ANO4: variants seen among roughly 807,000 people sequenced by gnomAD.
The protein encoded by ANO4 is anoctamin-4.
ANO4 carries 69 observed loss-of-function variants against 141.9 expected under a neutral mutation model. The observed-to-expected ratio is 0.49, with a 90% CI of 0.40 to 0.59. The LOEUF (loss-of-function observed/expected upper bound fraction) is 0.59, where lower values mean the gene tolerates loss of function less well. Among genes scored for constraint, ANO4 ranks in the 20% least tolerant of loss-of-function variants. The probability of loss-of-function intolerance (pLI) is 0.00; values close to 1 mark genes in which losing one functional copy is unlikely to be tolerated. For synonymous variants in ANO4, 350 were observed against 394.3 expected, an observed-to-expected ratio of 0.89 and a Z score of 1.33; for missense variants, 894 against 1,162.2, an observed-to-expected ratio of 0.77 and a Z score of 3.36.
intron 3 of ANO4, among the ~76,000 whole-genome samples, chr12:100,777,984 A>G (rs1438392171): frequency 6.8e-6 from 1 of 146,172 alleles, no homozygotes; most frequent in Non-Finnish European, 1.5e-5. Context: ...TAGTGGCGTG[A>G]TCTCGGCTCA....
intron 1 of ANO4, among the ~76,000 whole-genome samples, chr12:100,835,716 A>C (rs1205344668): frequency 6.6e-6 from 1 of 152,094 alleles, no homozygotes. Flanking sequence ...AGGAACACCA[A>C]AATGTAAAAT....
intron 22 of ANO4, among the ~76,000 whole-genome samples, chr12:101,109,280 C>T (rs1253242413): frequency 5.3e-5 from 8 of 152,026 alleles, no homozygotes; most frequent in Non-Finnish European, 8.8e-5. Flanking sequence ...ATTATGTTTT[C>T]GGCTGGGCAC....
At chr12:100,762,923 A>G (rs1233830561) in intron 3 of ANO4, among the ~76,000 whole-genome samples, 2 of 152,148 alleles carry the variant, frequency 1.3e-5, no homozygotes, top group African/African-American at 4.8e-5. Flanking sequence ...TGTTTGTTGA[A>G]TGAATCATTT....
At chr12:100,861,229 A>G (rs983647413) in intron 1 of ANO4, among the ~76,000 whole-genome samples, 2 of 152,172 alleles carry the variant, frequency 1.3e-5, no homozygotes, top group African/African-American at 4.8e-5. Flanking sequence ...CTCTTGTAAG[A>G]CAGGAAAGTT....
At chr12:101,013,460 A>G (rs776024443) in intron 8 of ANO4, among the ~76,000 whole-genome samples, 1 of 152,116 alleles carries the variant, frequency 6.6e-6, no homozygotes, top group South Asian at 2.1e-4. Context: ...CAACCTACAC[A>G]TAGTCCTGTA....
At chr12:100,851,062 T>C (rs1048280166) in intron 1 of ANO4, among the ~76,000 whole-genome samples, 1 of 152,206 alleles carries the variant, frequency 6.6e-6, no homozygotes, top group African/African-American at 2.4e-5. Context: ...TCTATGACTA[T>C]CTTGCTATGC....
In ANO4 at chr12:100,999,998, G is replaced by A. The variant is rs914578692; in HGVS notation, c.734+12328G>A. Reference sequence around the variant, plus strand: ...AGGGAGGCAGAAGTTGCAGTGAGCCGAGATCATGCCACTGCACTCCAGTCT... The same window carrying A: ...AGGGAGGCAGAAGTTGCAGTGAGCCAAGATCATGCCACTGCACTCCAGTCT... On this transcript the variant is annotated intron_variant, in intron 8 of 27. Transcript: ENST00000392977. 6.7e-5 allele frequency among the ~76,000 whole-genome samples: 10 copies of A among 148,534 alleles called. No homozygotes were observed. The East Asian group carries it at 7.9e-4, about 12-fold the overall frequency.
intron 1 of ANO4, among the ~76,000 whole-genome samples, chr12:100,876,048 G>A (rs2039285219): frequency 6.6e-6 from 1 of 152,080 alleles, no homozygotes; most frequent in Non-Finnish European, 1.5e-5. Context: ...ACATGGAAAG[G>A]TCCCATACTT....
At position 101,083,735 on chromosome 12, in the gene ANO4, A is replaced by G. The variant is rs1333845816; in HGVS notation, c.1453A>G (p.Ile485Val). Residue 485 changes from isoleucine (I) to valine (V), a missense_variant, in exon 16 of 28, where the codon ATT becomes GTT. Coordinates refer to ENST00000392977, the MANE Select transcript of ANO4 (RefSeq NM_001286615.2). Reference sequence around the variant, plus strand: ...TTCCAAGAAAGAGCGGATGAATCCAATTTCTGGAAAGCCAGAACCTTATCA... The same window carrying G: ...TTCCAAGAAAGAGCGGATGAATCCAGTTTCTGGAAAGCCAGAACCTTATCA... ...KYSKKERMNP[I>V]SGKPEPYQAF... is the part of the protein sequence containing the mutation. 1.9e-6 allele frequency: 3 copies of G among 1,608,372 alleles called. No individual in the cohort carries two copies. The highest frequency in any genetic ancestry group is 2.5e-6 in the Non-Finnish European group (3 of 1,178,782).
intron 3 of ANO4, among the ~76,000 whole-genome samples, chr12:100,743,909 T>C (rs973844936): frequency 2.6e-5 from 4 of 152,194 alleles, no homozygotes; most frequent in African/African-American, 9.6e-5. Flanking sequence ...TGTTCCCTTC[T>C]GTGTGTCCAT....
chr12:100,826,203 AATT>A (rs1409431299), intron 1 of ANO4, among the ~76,000 whole-genome samples: 3 of 152,190 alleles, frequency 2.0e-5, no homozygotes, highest in Non-Finnish European at 2.9e-5. Context: ...AAATATGAAA[AATT>A]ATGAAAGACG....
chr12:100,887,714 T>C (rs1565973277), intron 1 of ANO4, among the ~76,000 whole-genome samples: 1 of 152,222 alleles, frequency 6.6e-6, no homozygotes, highest in South Asian at 2.1e-4. Flanking sequence ...TTGACAAATA[T>C]TTATTAAATG....
chr12:100,941,717 C>T (rs976453546), intron 4 of ANO4, among the ~76,000 whole-genome samples: 6 of 151,830 alleles, frequency 4.0e-5, no homozygotes, highest in Non-Finnish European at 7.4e-5. Flanking sequence ...ACATGTTATG[C>T]ACATATTCAG....
intron 1 of ANO4, among the ~76,000 whole-genome samples, chr12:100,724,131 C>A (rs1440552481): frequency 2.0e-5 from 3 of 152,154 alleles, no homozygotes; most frequent in Admixed American, 6.5e-5. Context: ...ATAAGATTTT[C>A]AACAGTGAAT....
In ANO4 at chr12:101,002,381, A is replaced by G. The variant is rs151289383; in HGVS notation, c.734+14711A>G. Among the ~76,000 whole-genome samples the G allele has an allele frequency of 1.9e-3, 288 of 152,346 alleles. 1 individual carries two copies. The highest frequency in any genetic ancestry group is 6.6e-3 in the African/African-American group (275 of 41,576). On this transcript the variant is annotated intron_variant, in intron 8 of 27. Transcript: ENST00000392977. ...AATAATGCACAGTAGTGCCACGTGTAGTAACATTGCTTCCTTGCTTAACAG... is the reference window on the plus strand; with the variant it reads ...AATAATGCACAGTAGTGCCACGTGTGGTAACATTGCTTCCTTGCTTAACAG...
chr12:100,882,222 G>T (rs189285727), intron 1 of ANO4, among the ~76,000 whole-genome samples: 1 of 152,258 alleles, frequency 6.6e-6, no homozygotes, highest in African/African-American at 2.4e-5. Flanking sequence ...ATCAAGTTAC[G>T]TACTTGTCCC....
rs375512960 is a variant in ANO4 at position 101,094,253 on chromosome 12, C to T, written c.1702-3C>T. The T allele has an allele frequency of 9.3e-6, 15 of 1,609,200 alleles. No individual in the cohort carries two copies. In the South Asian group the frequency reaches 9.9e-5, roughly 11 times the overall value. Reference sequence around the variant, plus strand: ...TATTAAATGCATGAAATTTATTTTACAGCTCTATGAAAAAGTTGCCCTGCT... The same window carrying T: ...TATTAAATGCATGAAATTTATTTTATAGCTCTATGAAAAAGTTGCCCTGCT... On this transcript the variant is annotated splice_polypyrimidine_tract_variant and splice_region_variant and intron_variant, in intron 17 of 27. Coordinates refer to ENST00000392977, the MANE Select transcript of ANO4 (RefSeq NM_001286615.2).
intron 1 of ANO4, chr12:100,859,331 A>G (rs2038351870): frequency 6.6e-6 from 1 of 152,192 alleles, no homozygotes; most frequent in Non-Finnish European, 1.5e-5. Flanking sequence ...TTTTGACAGT[A>G]GTTGCTCTAT....
Position 101,079,220 on chromosome 12 carries a change from G to T in ANO4, c.1340G>T (p.Arg447Ile). ...WATVFLEFWK[R>I]RRAVIAYDWD... ...ACAGTTTTCCTGGAGTTTTGGAAAA[G>T]ACGGCGAGCAGTAATTGCTTATGAC... Residue 447 changes from arginine (R) to isoleucine (I), a missense_variant, in exon 15 of 28, where the codon AGA becomes ATA. Arg to Ile is a moderately conservative substitution (Grantham distance 97, BLOSUM62 -3). Transcript: ENST00000392977. The T allele has an allele frequency of 1.2e-6, 2 of 1,614,040 alleles. No homozygotes were observed. The highest frequency in any genetic ancestry group is 1.7e-6 in the Non-Finnish European group (2 of 1,179,960).
Sources: gnomAD v4.1 joint callset for allele counts (sites outside exome capture counted in the v4.1 genomes callset) on GRCh38, gnomAD v4.1.1 for gene constraint, MANE v1.5 for transcripts, NCBI Gene and HGNC (gene_info 2026-07-23, HGNC 2026-07-21) for gene names.